Variants in ATXN7 observed in about 807,000 individuals in gnomAD.
ATXN7 encodes ataxin-7.
In ATXN7, 12 loss-of-function variants were observed where a neutral mutation model predicts 70.5. That is an observed-to-expected ratio of 0.17 (90% confidence interval 0.11 to 0.28). The LOEUF (loss-of-function observed/expected upper bound fraction) is 0.28. Ranked by LOEUF, ATXN7 falls within the 10% of genes least tolerant of loss-of-function variation. The pLI, the probability that ATXN7 is intolerant of heterozygous loss-of-function variation, is 1.00. For missense variants in ATXN7, 1,256 were observed against 1,131.7 expected, an observed-to-expected ratio of 1.11 and a Z score of -1.58; for synonymous variants, 498 against 448.7, an observed-to-expected ratio of 1.11 and a Z score of -1.39.
intron 4 of ATXN7, among the ~76,000 whole-genome samples, chr3:63,945,343 G>T (rs1030645531): frequency 6.6e-6 from 1 of 152,188 alleles, no homozygotes; most frequent in Non-Finnish European, 1.5e-5. Context: ...TACTGTGCTG[G>T]ATTCACTAGC....
At chr3:63,884,445 AGGCTC>A (rs1703019077) in intron 1 of ATXN7, among the ~76,000 whole-genome samples, 2 of 152,178 alleles carry the variant, frequency 1.3e-5, no homozygotes, top group Non-Finnish European at 2.9e-5. Flanking sequence ...ATATTTTTAA[AGGCTC>A]ATATAAACAT....
Position 63,996,949 on chromosome 3 carries a change from A to G in ATXN7, c.2661+466A>G, listed in dbSNP as rs1424937058. 2.0e-5 allele frequency among the ~76,000 whole-genome samples: 3 copies of G among 152,158 alleles called. 1 individual carries two copies. Among genetic ancestry groups the G allele is most frequent in the Non-Finnish European group, 4.4e-5 (3 of 68,022 alleles). ...TGCGCTAAAATCAAACTGATCTAGA[A>G]AGGGGTGATTTAAGATTTAAAATGA... is the stretch of plus-strand genomic sequence containing the variant. On this transcript the variant is annotated intron_variant, in intron 12 of 12. Coordinates refer to ENST00000674280, the MANE Select transcript of ATXN7 (RefSeq NM_001377405.1).
At chr3:63,978,237 C>T (rs780486378) in intron 5 of ATXN7, among the ~76,000 whole-genome samples, 3 of 152,174 alleles carry the variant, frequency 2.0e-5, no homozygotes, top group Admixed American at 6.5e-5. Context: ...AAGCTCCTTA[C>T]GTTATTCCAG....
chr3:63,907,017 T>G (rs919177986), intron 2 of ATXN7, among the ~76,000 whole-genome samples: 4 of 152,274 alleles, frequency 2.6e-5, no homozygotes, highest in African/African-American at 9.6e-5. Flanking sequence ...AAGATTGGTC[T>G]GATAGTATAG....
chr3:63,972,847 G>T lies in ATXN7; in HGVS notation c.500-7068G>T, dbSNP rs532722432. Among the ~76,000 whole-genome samples the T allele has an allele frequency of 7.9e-5, 12 of 152,316 alleles. No homozygotes were observed. In the East Asian group the frequency reaches 2.3e-3, roughly 29 times the overall value. Reference sequence around the variant, plus strand: ...AGATAACTTACAGTAAAGAGGGTTTGATTTGTTCTTAAGTGATTTCTACCT... The same window carrying T: ...AGATAACTTACAGTAAAGAGGGTTTTATTTGTTCTTAAGTGATTTCTACCT... On this transcript the variant is annotated intron_variant, in intron 5 of 12. Coordinates refer to ENST00000674280, the MANE Select transcript of ATXN7 (RefSeq NM_001377405.1).
At chr3:63,891,389 G>C (rs1024710499) in intron 1 of ATXN7, among the ~76,000 whole-genome samples, 2 of 151,962 alleles carry the variant, frequency 1.3e-5, no homozygotes, top group Admixed American at 1.3e-4. Flanking sequence ...CACAGTCATA[G>C]CTCACTGCAG....
chr3:63,875,656 A>G (rs1702728602), intron 1 of ATXN7, among the ~76,000 whole-genome samples: 2 of 151,998 alleles, frequency 1.3e-5, no homozygotes, highest in Admixed American at 6.6e-5. Flanking sequence ...TGTAATTACC[A>G]CTTTGTGATG....
At position 63,980,049 on chromosome 3, in the gene ATXN7, C is replaced by G. The variant is rs750956545; in HGVS notation, c.634C>G (p.Leu212Val). ...CAACCGTTCTTCCAGTGGAGGTGTTCTTAGCGCATCCTCATCAAGTTCCAA... is the reference window on the plus strand; with the variant it reads ...CAACCGTTCTTCCAGTGGAGGTGTTGTTAGCGCATCCTCATCAAGTTCCAA... ...GSNRSSSGGV[L>V]SASSSSSKLL... is the part of the protein sequence containing the mutation. The change falls in exon 6 of 13, where the codon CTT (leucine) becomes GTT (valine). Residue 212 changes from leucine to valine, a missense_variant. Transcript: ENST00000674280. 1.9e-6 allele frequency: 3 copies of G among 1,614,152 alleles called. No individual in the cohort carries two copies. The highest frequency in any genetic ancestry group is 1.6e-4 in the Middle Eastern group (1 of 6,062).
intron 1 of ATXN7, among the ~76,000 whole-genome samples, chr3:63,888,690 C>T (rs192466563): frequency 6.6e-6 from 1 of 152,058 alleles, no homozygotes; most frequent in Admixed American, 6.6e-5. Context: ...GCAGGAGAAT[C>T]GCTTGAACCT....
In ATXN7 at chr3:63,999,892, C is replaced by G. The variant is rs2075816280; in HGVS notation, c.*425C>G. ...TCCTTTTACTACCATTTTTTTTTAA[C>G]ACTGTCATCTGTAGGTCACTCTCCA... On this transcript the variant is annotated 3_prime_UTR_variant, in exon 13 of 13. Transcript: ENST00000674280. 1 of 248,768 alleles carries G rather than the reference C, an allele frequency of 4.0e-6. No individual in the cohort carries two copies. The highest frequency in any genetic ancestry group is 4.9e-5 in the Admixed American group (1 of 20,322). The allele number at this position is 248,768 out of a possible 1,614,324, so 15.4% of individuals were successfully genotyped here.
intron 5 of ATXN7, among the ~76,000 whole-genome samples, chr3:63,960,180 A>G (rs2075104422): frequency 6.6e-6 from 1 of 152,194 alleles, no homozygotes; most frequent in African/African-American, 2.4e-5. Flanking sequence ...TGTAGAGGAC[A>G]AGTGCTTCAC....
intron 5 of ATXN7, 26 bp downstream of exon 5, chr3:63,952,509 T>C (rs373439539): frequency 1.8e-5 from 28 of 1,518,068 alleles, no homozygotes; most frequent in Non-Finnish European, 2.5e-5. Context: ...TTTAAAAAAT[T>C]GTTAATAGAA....
intron 12 of ATXN7, chr3:63,997,721 C>G (rs1431609540): frequency 1.4e-5 from 21 of 1,550,688 alleles, no homozygotes; most frequent in Non-Finnish European, 1.8e-5. Flanking sequence ...TTTTCCCCTT[C>G]CTCGTCTTCA....
At chr3:63,984,201 T>G (rs1010479343) in intron 8 of ATXN7, among the ~76,000 whole-genome samples, 2 of 150,918 alleles carry the variant, frequency 1.3e-5, no homozygotes, top group Non-Finnish European at 2.9e-5. Flanking sequence ...CCTTTAAATA[T>G]CTCATTTTTA....
In ATXN7 at chr3:63,910,016, C is replaced by G. The variant is rs542868470; in HGVS notation, c.-11-2572C>G. On this transcript the variant is annotated intron_variant, in intron 2 of 12. Coordinates refer to ENST00000674280, the MANE Select transcript of ATXN7 (RefSeq NM_001377405.1). ...TGTAATAATTTCCCTTAATAACGAT[C>G]ATAATGCCAAGAGGATACTTAATAT... Among the ~76,000 whole-genome samples, 9 of 152,288 alleles carry G rather than the reference C, an allele frequency of 5.9e-5. No individual in the cohort carries two copies. In the East Asian group the frequency reaches 1.7e-3, roughly 29 times the overall value.
intron 1 of ATXN7, among the ~76,000 whole-genome samples, chr3:63,881,043 T>A (rs181778302): frequency 6.6e-6 from 1 of 152,222 alleles, no homozygotes; most frequent in African/African-American, 2.4e-5. Context: ...ATCTGTAGAA[T>A]GGGAATAATG....
intron 1 of ATXN7, among the ~76,000 whole-genome samples, chr3:63,893,341 T>C (rs1335666068): frequency 6.6e-6 from 1 of 152,180 alleles, no homozygotes; most frequent in Non-Finnish European, 1.5e-5. Flanking sequence ...TGGTGCCCTG[T>C]AGTCACAAAT....
chr3:63,893,741 G>A (rs1002137658), intron 1 of ATXN7, among the ~76,000 whole-genome samples: 1 of 152,130 alleles, frequency 6.6e-6, no homozygotes, highest in Non-Finnish European at 1.5e-5. Flanking sequence ...ACATTGACTT[G>A]ATCTTCAGTG....
chr3:63,924,747 G>C (rs1383617396), intron 4 of ATXN7, among the ~76,000 whole-genome samples: 1 of 152,188 alleles, frequency 6.6e-6, no homozygotes, highest in Non-Finnish European at 1.5e-5. Context: ...ATGGGGAAGT[G>C]ATAGCCTGAG....
Sources: gnomAD v4.1 joint callset for allele counts (sites outside exome capture counted in the v4.1 genomes callset) on GRCh38, gnomAD v4.1.1 for gene constraint, MANE v1.5 for transcripts, NCBI Gene and HGNC (gene_info 2026-07-23, HGNC 2026-07-21) for gene names.